The following RASEF variants were observed in gnomAD, a reference collection of about 807,000 sequenced individuals.
RASEF encodes the protein RAS and EF-hand domain containing.
Under a neutral mutation model 90.1 loss-of-function variants are expected in RASEF, and 68 were observed. The ratio of observed to expected loss-of-function variants is 0.75; its 90% CI spans 0.62 to 0.92. The LOEUF (loss-of-function observed/expected upper bound fraction) is 0.92, where lower values mean the gene tolerates loss of function less well. Ranked by LOEUF, RASEF falls within the 40% of genes least tolerant of loss-of-function variation. The pLI, the probability that RASEF is intolerant of heterozygous loss-of-function variation, is 0.00. For synonymous variants in RASEF, 331 were observed against 345.2 expected (o/e 0.96, Z 0.46); for missense variants, 949 against 937.2 (o/e 1.01, Z -0.16).
chr9:83,072,129 CCTATTGACCAGGTATT>C, the RASEF span, among the ~76,000 whole-genome samples: 2 of 152,060 alleles, frequency 1.3e-5, no homozygotes, highest in African/African-American at 4.8e-5. Flanking sequence ...CTCAGTCCAC[CCTATTGACCAGGTATT>C]CTCCTCCCCT....
the RASEF span, among the ~76,000 whole-genome samples, chr9:83,169,590 GTTTGT>G: frequency 6.6e-6 from 1 of 151,308 alleles, no homozygotes; most frequent in Non-Finnish European, 1.5e-5. Context: ...TTGTTTGTTT[GTTTGT>G]TTTGTTTTTT....
At chr9:83,048,885 T>C (rs969509703) in intron 1 of RASEF, 1 of 504,730 alleles carries the variant, frequency 2.0e-6, no homozygotes, top group Non-Finnish European at 2.6e-6. Context: ...TCCCAACACT[T>C]TGGGAGGCCG....
Position 83,055,375 on chromosome 9 carries a change from G to C in RASEF, c.431+7062C>G. 4 of 482,092 alleles carry C rather than the reference G, an allele frequency of 8.3e-6. No homozygotes were observed. In the East Asian group the frequency reaches 1.6e-4, roughly 19 times the overall value. The allele number at this position is 482,092 out of a possible 1,614,324, so 29.9% of individuals were successfully genotyped here. The stretch of plus-strand genomic sequence containing the variant: ...CTCCCTGACCCCTTGCGCTTCCCAG[G>C]TGAGGCAATGCCTCGCCCTGCTTCG... On this transcript the variant is annotated intron_variant, in intron 1 of 16. Transcript: ENST00000376447.
chr9:83,091,999 A>ATTTTTTTTTT, the RASEF span, among the ~76,000 whole-genome samples: 1 of 17,240 alleles, frequency 5.8e-5, no homozygotes, highest in Non-Finnish European at 1.2e-4. Context: ...TTTTTCTTTT[A>ATTTTTTTTTT]TTTCTTTTTT....
At chr9:83,131,258 C>T in the RASEF span, among the ~76,000 whole-genome samples, 2 of 152,094 alleles carry the variant, frequency 1.3e-5, no homozygotes, top group Admixed American at 6.5e-5. Flanking sequence ...TTGTACATGG[C>T]ATTACATAAA....
At chr9:83,007,174 T>C (rs1186601240) in intron 7 of RASEF, among the ~76,000 whole-genome samples, 1 of 151,040 alleles carries the variant, frequency 6.6e-6, no homozygotes, top group African/African-American at 2.4e-5. Flanking sequence ...AGAGGCATAA[T>C]AAAGACACAC....
intron 9 of RASEF, 90 bp from the exon 10 acceptor site, chr9:83,001,220 A>T: frequency 1.1e-6 from 1 of 871,374 alleles, no homozygotes; most frequent in Non-Finnish European, 1.8e-6. Flanking sequence ...AGATGGAATC[A>T]AGTAGGCCGA....
the RASEF span, among the ~76,000 whole-genome samples, chr9:83,197,827 C>T: frequency 6.6e-6 from 1 of 152,324 alleles, no homozygotes; most frequent in South Asian, 2.1e-4. Flanking sequence ...ACTTGGCCAC[C>T]TACCAACAGC....
chr9:82,994,911 C>T (rs1828884744), intron 14 of RASEF, among the ~76,000 whole-genome samples: 1 of 152,184 alleles, frequency 6.6e-6, no homozygotes, highest in African/African-American at 2.4e-5. Flanking sequence ...CCCCAATGAT[C>T]ACACCATTCA....
At chr9:83,167,027 CT>C in the RASEF span, among the ~76,000 whole-genome samples, 1 of 152,264 alleles carries the variant, frequency 6.6e-6, no homozygotes, top group East Asian at 1.9e-4. Context: ...CGTTTGCTAG[CT>C]ATGTGATCTG....
upstream of RASEF, among the ~76,000 whole-genome samples, chr9:83,063,725 G>A (rs1043241363): frequency 8.5e-5 from 13 of 152,154 alleles, no homozygotes; most frequent in Admixed American, 7.2e-4. Flanking sequence ...AACAAAGACT[G>A]AGGTCGTTTT....
At chr9:83,010,349 T>G (rs543919822) in intron 5 of RASEF, among the ~76,000 whole-genome samples, 2 of 152,196 alleles carry the variant, frequency 1.3e-5, no homozygotes, top group Admixed American at 6.5e-5. Flanking sequence ...CCAAAGGAAA[T>G]GAACCAATAA....
At chr9:83,145,013 T>C in the RASEF span, among the ~76,000 whole-genome samples, 16 of 152,228 alleles carry the variant, frequency 1.1e-4, no homozygotes, top group African/African-American at 3.9e-4. Flanking sequence ...TAATTCTGAA[T>C]GTTTCTAGGA....
chr9:83,123,435 A>G, the RASEF span, among the ~76,000 whole-genome samples: 3 of 151,984 alleles, frequency 2.0e-5, no homozygotes, highest in Non-Finnish European at 4.4e-5. Context: ...CCCATCTAAC[A>G]CTGGGGATAC....
At chr9:83,131,630 C>T in the RASEF span, among the ~76,000 whole-genome samples, 1 of 152,188 alleles carries the variant, frequency 6.6e-6, no homozygotes, top group Non-Finnish European at 1.5e-5. Context: ...CAGTGGATCA[C>T]TTCTAAATCT....
At chr9:83,081,817 C>T in the RASEF span, among the ~76,000 whole-genome samples, 1 of 152,118 alleles carries the variant, frequency 6.6e-6, no homozygotes, top group Non-Finnish European at 1.5e-5. Flanking sequence ...ATCACCTCTC[C>T]ATAAATAAGA....
the RASEF span, among the ~76,000 whole-genome samples, chr9:83,068,450 G>A: frequency 1.3e-5 from 2 of 152,192 alleles, no homozygotes; most frequent in Non-Finnish European, 2.9e-5. Context: ...AACACCAGGT[G>A]GCTAGGACCT....
the RASEF span, among the ~76,000 whole-genome samples, chr9:83,195,423 C>A: frequency 6.6e-6 from 1 of 152,142 alleles, no homozygotes; most frequent in African/African-American, 2.4e-5. Context: ...AAGTCAATCT[C>A]ATTTATGGGT....
intron 16 of RASEF, 112 bp downstream of exon 16, chr9:82,990,270 CCATGACTGA>C: frequency 1.5e-6 from 1 of 663,128 alleles, no homozygotes; most frequent in Middle Eastern, 2.5e-4. Context: ...ATTTCTCCCA[CCATGACTGA>C]CAGATAAGAG....
Sources: allele counts gnomAD v4.1 joint callset (sites outside exome capture counted in the v4.1 genomes callset), GRCh38; gene constraint gnomAD v4.1.1; transcripts MANE v1.5; gene names NCBI Gene and HGNC (gene_info 2026-07-23, HGNC 2026-07-21).